RIPOR3: variants seen among roughly 807,000 people sequenced by gnomAD.
RIPOR3 encodes family with sequence similarity 65 member C.
Under a neutral mutation model 114.3 loss-of-function variants are expected in RIPOR3, and 95 were observed. That is an observed-to-expected ratio of 0.83 (90% CI 0.70 to 0.99). RIPOR3 has a LOEUF of 0.99. Ranked by LOEUF, RIPOR3 falls within the 50% of genes least tolerant of loss-of-function variation. The pLI, the probability that RIPOR3 is intolerant of heterozygous loss-of-function variation, is 0.00. For missense variants in RIPOR3, 1,252 were observed against 1,266.9 expected, an observed-to-expected ratio of 0.99 and a Z score of 0.18; for synonymous variants, 575 against 543.8, an observed-to-expected ratio of 1.06 and a Z score of -0.80.
Position 50,593,112 on chromosome 20 carries a change from C to T in RIPOR3, c.2297G>A (p.Trp766Ter). ...CTGCAGGTAGCTGTGAAACTGGAAC[C>T]AGGTAATGATCTGTTCTTCTGGGAG... Reference protein sequence around the residue: ...AGLPEEQIITWFQFHSYLQRQ... With the variant: ...AGLPEEQIIT The change falls in exon 18 of 22, where the codon TGG (tryptophan) becomes TAG (stop). Residue 766 changes from tryptophan (W) to a stop codon, truncating the protein, a stop_gained. Transcript: ENST00000327979. LOFTEE classifies it high-confidence loss of function. 6.2e-7 allele frequency: 1 copy of T among 1,614,110 alleles called. No individual in the cohort carries two copies.
chr20:50,632,769 G>T (rs1239460624), intron 1 of RIPOR3, among the ~76,000 whole-genome samples: 2 of 152,250 alleles, frequency 1.3e-5, no homozygotes, highest in African/African-American at 4.8e-5. Flanking sequence ...GGAAACTGAG[G>T]CTCAGAGAGG....
chr20:50,628,126 T>C (rs539177220), intron 2 of RIPOR3, among the ~76,000 whole-genome samples: 1 of 152,292 alleles, frequency 6.6e-6, no homozygotes, highest in South Asian at 2.1e-4. Context: ...AGAAACAGCA[T>C]CATTTCCTGG....
chr20:50,621,220 C>G (rs2426170), intron 2 of RIPOR3: 230,372 of 301,156 alleles, frequency 0.76, 88,876 homozygotes, highest in Middle Eastern at 0.89. Flanking sequence ...TCTCTGATCA[C>G]CATGCTCTGC....
Position 50,595,400 on chromosome 20 carries a change from C to T in RIPOR3, c.2019G>A (p.Glu673=). 6.2e-7 allele frequency: 1 copy of T among 1,614,206 alleles called. No homozygotes were observed. The highest frequency in any genetic ancestry group is 8.5e-7 in the Non-Finnish European group (1 of 1,180,008). Residue 673 remains glutamate (E), a synonymous_variant, in exon 16 of 22, where the codon GAG becomes GAA. Transcript: ENST00000327979. The part of the protein sequence containing the change: ...VLETLSVLDF[E]KVGKATSIEE... Reference sequence around the variant, plus strand: ...CAATGGATGTTGCCTTGCCGACCTTCTCAAAGTCAAGGACAGAAAGTGTCT... The same window carrying T: ...CAATGGATGTTGCCTTGCCGACCTTTTCAAAGTCAAGGACAGAAAGTGTCT...
chr20:50,629,472 C>T (rs578208045), intron 2 of RIPOR3, among the ~76,000 whole-genome samples: 18 of 152,186 alleles, frequency 1.2e-4, no homozygotes, highest in Admixed American at 4.6e-4. Flanking sequence ...CTGAGCTCAT[C>T]GGGCTGTGGC....
chr20:50,631,263 G>A (rs1174875259), intron 1 of RIPOR3, among the ~76,000 whole-genome samples: 1 of 152,136 alleles, frequency 6.6e-6, no homozygotes, highest in Non-Finnish European at 1.5e-5. Flanking sequence ...ATCCTCAAGG[G>A]CTCCAGCCCA....
At chr20:50,686,951 C>T (rs887847327) in intron 1 of RIPOR3, among the ~76,000 whole-genome samples, 2 of 152,088 alleles carry the variant, frequency 1.3e-5, no homozygotes, top group Non-Finnish European at 2.9e-5. Flanking sequence ...CTGGCTTAGG[C>T]CCTTAAAACT....
At chr20:50,588,678 C>A (rs967724823) in intron 20 of RIPOR3, among the ~76,000 whole-genome samples, 6 of 149,828 alleles carry the variant, frequency 4.0e-5, no homozygotes, top group African/African-American at 1.5e-4. Context: ...AGTAAACTTT[C>A]CTATGAAAGC....
At chr20:50,654,492 G>T (rs1483143092) in intron 1 of RIPOR3, among the ~76,000 whole-genome samples, 1 of 139,744 alleles carries the variant, frequency 7.2e-6, no homozygotes, top group Non-Finnish European at 1.5e-5. Flanking sequence ...GTGCAGTGGC[G>T]CAATCTCGGC....
At chr20:50,641,388 TA>T (rs1241244304) in intron 1 of RIPOR3, among the ~76,000 whole-genome samples, 2 of 152,090 alleles carry the variant, frequency 1.3e-5, no homozygotes, top group African/African-American at 4.8e-5. Flanking sequence ...CTAATTTTTT[TA>T]AAATTTCTTT....
At chr20:50,682,190 A>G (rs551710613) in intron 1 of RIPOR3, among the ~76,000 whole-genome samples, 1 of 152,364 alleles carries the variant, frequency 6.6e-6, no homozygotes, top group South Asian at 2.1e-4. Context: ...AACAACCCAC[A>G]TGGTCATAGA....
At chr20:50,594,320 C>T (rs967753407) in intron 17 of RIPOR3, among the ~76,000 whole-genome samples, 4 of 151,592 alleles carry the variant, frequency 2.6e-5, no homozygotes, top group Non-Finnish European at 4.4e-5. Context: ...CAAGTTTGCA[C>T]GCAGCTTCAG....
intron 4 of RIPOR3, among the ~76,000 whole-genome samples, chr20:50,612,124 CAA>C (rs542382125): frequency 2.6e-4 from 23 of 89,152 alleles, no homozygotes; most frequent in Non-Finnish European, 3.3e-4. Context: ...GACTCCATCT[CAA>C]AAAAAAAAAA....
chr20:50,620,018 C>T lies in RIPOR3; in HGVS notation c.237G>A (p.Lys79=). ...CTCTTTTCAATGCTTCGAAGATCTTCTTCACCTGCTGGGGCTTCGGGTCTG... is the reference window on the plus strand; with the variant it reads ...CTCTTTTCAATGCTTCGAAGATCTTTTTCACCTGCTGGGGCTTCGGGTCTG... The part of the protein sequence containing the change: ...VCADPKPQQV[K]KIFEALKRGL... Residue 79 remains lysine (K), a synonymous_variant, in exon 3 of 22, where the codon AAG becomes AAA. Coordinates refer to ENST00000327979, the MANE Select transcript of RIPOR3 (RefSeq NM_001290268.2). 6.2e-7 allele frequency: 1 copy of T among 1,613,496 alleles called. No individual in the cohort carries two copies. Among genetic ancestry groups the T allele is most frequent in the South Asian group, 1.1e-5 (1 of 91,068 alleles).
intron 19 of RIPOR3, 147 bp downstream of exon 19, chr20:50,592,197 G>C: frequency 2.7e-6 from 2 of 733,606 alleles, no homozygotes; most frequent in Non-Finnish European, 4.1e-6. Context: ...ATGTGTGTTA[G>C]ATCGTAGCCC....
At chr20:50,613,251 C>A (rs781108863) in intron 4 of RIPOR3, among the ~76,000 whole-genome samples, 52 of 151,904 alleles carry the variant, frequency 3.4e-4, no homozygotes, top group Admixed American at 2.8e-3. Flanking sequence ...AGTTGGAGAC[C>A]AGCCTGGCCA....
At chr20:50,660,492 A>G (rs952472693) in intron 1 of RIPOR3, among the ~76,000 whole-genome samples, 1 of 152,176 alleles carries the variant, frequency 6.6e-6, no homozygotes, top group Non-Finnish European at 1.5e-5. Context: ...CAGTCTCACG[A>G]GAGTGACAGC....
At position 50,654,528 on chromosome 20, in the gene RIPOR3, GT is replaced by G. The variant is rs1188241145; in HGVS notation, c.4-23673del. On this transcript the variant is annotated intron_variant, in intron 1 of 21. Coordinates refer to ENST00000327979, the MANE Select transcript of RIPOR3 (RefSeq NM_001290268.2). ...TCACTGCAAGCTCCCAGGAGGCAGA[GT>G]TTTTGTCTGCGTGGTTCACTGCTAA... is the stretch of plus-strand genomic sequence containing the variant. Among the ~76,000 whole-genome samples the G allele has an allele frequency of 7.0e-4, 103 of 147,762 alleles. 2 individuals are homozygous for G. The highest frequency in any genetic ancestry group is 6.8e-3 in the Middle Eastern group (2 of 292).
intron 14 of RIPOR3, among the ~76,000 whole-genome samples, chr20:50,596,556 T>G (rs756404374): frequency 2.0e-5 from 3 of 152,166 alleles, no homozygotes; most frequent in Admixed American, 6.5e-5. Flanking sequence ...TGGACAAGTC[T>G]GCCTCCCCAA....
Sources: gnomAD v4.1 joint callset for allele counts (sites outside exome capture counted in the v4.1 genomes callset) on GRCh38, gnomAD v4.1.1 for gene constraint, MANE v1.5 for transcripts, NCBI Gene and HGNC (gene_info 2026-07-23, HGNC 2026-07-21) for gene names.